EMSY: variants seen among roughly 807,000 people sequenced by gnomAD.
The protein encoded by EMSY is EMSY transcriptional repressor, BRCA2 interacting, also known as BRCA2-interacting transcriptional repressor EMSY.
EMSY carries 26 observed loss-of-function variants against 134.6 expected under a neutral mutation model. The observed-to-expected ratio is 0.19, with a 90% CI of 0.14 to 0.27. The LOEUF (loss-of-function observed/expected upper bound fraction) is 0.27. EMSY is among the 10% of genes least tolerant of loss of function. EMSY has a pLI of 1.00. For synonymous variants in EMSY, 579 were observed against 577.8 expected, an observed-to-expected ratio of 1.00 and a Z score of -0.03; for missense variants, 1,305 against 1,611.4, an observed-to-expected ratio of 0.81 and a Z score of 3.26.
intron 8 of EMSY, among the ~76,000 whole-genome samples, chr11:76,489,430 A>G (rs890293618): frequency 7.0e-6 from 1 of 143,620 alleles, no homozygotes; most frequent in African/African-American, 2.6e-5. Context: ...GTCAGTTTTT[A>G]TACACACACA....
At chr11:76,477,829 T>C (rs1255243920) in intron 8 of EMSY, among the ~76,000 whole-genome samples, 2 of 152,244 alleles carry the variant, frequency 1.3e-5, no homozygotes, top group Non-Finnish European at 2.9e-5. Context: ...TTGATTCCAC[T>C]TTTTATTCTG....
intron 8 of EMSY, among the ~76,000 whole-genome samples, chr11:76,476,240 G>A (rs550258505): frequency 2.6e-5 from 4 of 152,272 alleles, no homozygotes; most frequent in South Asian, 4.1e-4. Context: ...TTGTTGCATC[G>A]TTTTAAGAGA....
intron 7 of EMSY, among the ~76,000 whole-genome samples, chr11:76,468,669 A>T (rs1292133326): frequency 6.6e-6 from 1 of 152,174 alleles, no homozygotes; most frequent in African/African-American, 2.4e-5. Flanking sequence ...ATTATTTATG[A>T]ATTTGTGGAC....
exon 10 of EMSY, chr11:76,513,454 C>G (rs2136119616): frequency 6.2e-7 from 1 of 1,613,712 alleles, no homozygotes; most frequent in Middle Eastern, 1.7e-4. Context: ...AGCAACTCTA[C>G]CCACCAGTAG....
chr11:76,472,843 G>A lies in EMSY; in HGVS notation c.1108+3G>A, dbSNP rs1484306404. 6.2e-7 allele frequency: 1 copy of A among 1,611,688 alleles called. No individual in the cohort carries two copies. The highest frequency in any genetic ancestry group is 1.7e-5 in the Admixed American group (1 of 59,982). On this transcript the variant is annotated splice_donor_region_variant and intron_variant, in intron 8 of 20. Coordinates refer to ENST00000334736, the Ensembl canonical transcript of EMSY. ...GGTCATGTCAACAGTAGCACAAGGT[G>A]AGTGCTGTTTCACAATTTAATTCTG...
chr11:76,472,191 T>C (rs1459070972), intron 7 of EMSY, among the ~76,000 whole-genome samples: 2 of 152,224 alleles, frequency 1.3e-5, no homozygotes, highest in Non-Finnish European at 2.9e-5. Flanking sequence ...TTCTCCAGCG[T>C]CTAGAACCAT....
chr11:76,447,520 G>A (rs1157629454), intron 2 of EMSY, among the ~76,000 whole-genome samples: 1 of 152,162 alleles, frequency 6.6e-6, no homozygotes, highest in East Asian at 1.9e-4. Context: ...TGTAAGCCAT[G>A]CTCACTTTTT....
chr11:76,448,646 G>A (rs1159192497), intron 2 of EMSY, among the ~76,000 whole-genome samples: 1 of 151,674 alleles, frequency 6.6e-6, no homozygotes, highest in African/African-American at 2.4e-5. Flanking sequence ...ATCTCGTATG[G>A]TAATATCATC....
chr11:76,531,966 A>G (rs556234983), intron 14 of EMSY, among the ~76,000 whole-genome samples: 3 of 152,288 alleles, frequency 2.0e-5, no homozygotes, highest in African/African-American at 7.2e-5. Context: ...TTATTTCTCA[A>G]CTGTCTCCAT....
At chr11:76,475,850 A>G (rs1160650916) in intron 8 of EMSY, among the ~76,000 whole-genome samples, 1 of 152,210 alleles carries the variant, frequency 6.6e-6, no homozygotes, top group African/African-American at 2.4e-5. Context: ...GGGCTGATGT[A>G]TCTCTGGTTG....
intron 11 of EMSY, among the ~76,000 whole-genome samples, chr11:76,522,392 G>A (rs888503205): frequency 1.4e-4 from 14 of 102,312 alleles, no homozygotes; most frequent in Non-Finnish European, 1.8e-4. Context: ...TCTTGAGATC[G>A]AGTCTTGCTC....
chr11:76,454,729 T>C lies in EMSY; in HGVS notation c.245+1341T>C. Reference sequence around the variant, plus strand: ...GGATAACATTTATTTAGTCTCCTTTTCCTTTTTTCCCCTTTAAAGAATGAA... The same window carrying C: ...GGATAACATTTATTTAGTCTCCTTTCCCTTTTTTCCCCTTTAAAGAATGAA... On this transcript the variant is annotated intron_variant, in intron 4 of 20. Coordinates refer to ENST00000334736, the Ensembl canonical transcript of EMSY. 1 of 1,432,446 alleles carries C rather than the reference T, an allele frequency of 7.0e-7. No individual in the cohort carries two copies. 88.7% of individuals were successfully genotyped at this position (1,432,446 alleles called of 1,614,324 possible).
intron 2 of EMSY, among the ~76,000 whole-genome samples, chr11:76,447,736 T>G (rs1947479699): frequency 6.6e-6 from 1 of 152,156 alleles, no homozygotes; most frequent in Non-Finnish European, 1.5e-5. Flanking sequence ...TTGGGAAAAT[T>G]GAGAAAAAGA....
At chr11:76,451,523 G>T (rs191072945) in intron 2 of EMSY, among the ~76,000 whole-genome samples, 5 of 152,258 alleles carry the variant, frequency 3.3e-5, no homozygotes, top group African/African-American at 9.6e-5. Context: ...TGCTGAAAAC[G>T]TCTCAGCCTT....
At position 76,522,356 on chromosome 11, in the gene EMSY, T is replaced by TC. The variant is rs1194686897; in HGVS notation, c.1685-799_1685-798insC. ...TTTTGTATATCGTTTACTTTGCTTT[T>TC]TTTTTTTTTTTTTTTTTTTTTTTTT... On this transcript the variant is annotated intron_variant, in intron 11 of 20. Transcript: ENST00000334736. Among the ~76,000 whole-genome samples the TC allele has an allele frequency of 3.4e-4, 29 of 85,190 alleles. 1 individual carries two copies. Among genetic ancestry groups the TC allele is most frequent in the Non-Finnish European group, 9.8e-5 (4 of 40,618 alleles). 55.9% of individuals were successfully genotyped at this position (85,190 alleles called of 152,430 possible).
intron 2 of EMSY, among the ~76,000 whole-genome samples, chr11:76,447,570 GC>G (rs1947470360): frequency 6.6e-6 from 1 of 152,180 alleles, no homozygotes; most frequent in South Asian, 2.1e-4. Context: ...CACATTTTAT[GC>G]TTGTAATTTA....
intron 8 of EMSY, among the ~76,000 whole-genome samples, chr11:76,494,656 TTCCTTCCTTCCTTCCTTCCTTCC>T (rs1949559580): frequency 2.4e-3 from 4 of 1,680 alleles, no homozygotes; most frequent in African/African-American, 5.8e-3. Flanking sequence ...TTTCCCTTCC[TTCCTTCCTTCCTTCCTTCCTTCC>T]TTCCTTCCTT....
At chr11:76,488,969 T>C (rs572370806) in intron 8 of EMSY, among the ~76,000 whole-genome samples, 4 of 152,256 alleles carry the variant, frequency 2.6e-5, no homozygotes, top group Non-Finnish European at 5.9e-5. Context: ...ATTCTCCTTA[T>C]ATTATGCTGG....
At chr11:76,518,295 G>A (rs1455583440) in intron 11 of EMSY, among the ~76,000 whole-genome samples, 1 of 150,716 alleles carries the variant, frequency 6.6e-6, no homozygotes, top group Admixed American at 6.7e-5. Flanking sequence ...AGCCTTCCAG[G>A]TAGCTAAGAC....
Sources: gnomAD v4.1 joint callset for allele counts (sites outside exome capture counted in the v4.1 genomes callset) on GRCh38, gnomAD v4.1.1 for gene constraint, MANE v1.5 for transcripts, NCBI Gene and HGNC (gene_info 2026-07-23, HGNC 2026-07-21) for gene names.